CDYL2: variants seen among roughly 807,000 people sequenced by gnomAD.
The protein encoded by CDYL2 is chromodomain Y-like protein 2.
CDYL2 carries 23 observed loss-of-function variants against 49.4 expected under a neutral mutation model. The observed-to-expected ratio is 0.47, with a 90% confidence interval of 0.34 to 0.66. The LOEUF (loss-of-function observed/expected upper bound fraction) is 0.66. CDYL2 is among the 30% of genes least tolerant of loss of function. The pLI is 0.01. For synonymous variants in CDYL2, 360 were observed against 268.8 expected (o/e 1.34, Z -3.32); for missense variants, 678 against 656.4 (o/e 1.03, Z -0.36).
At chr16:80,768,166 C>G (rs1194262020) in intron 1 of CDYL2, among the ~76,000 whole-genome samples, 3 of 152,192 alleles carry the variant, frequency 2.0e-5, no homozygotes, top group African/African-American at 7.2e-5. Flanking sequence ...CTTAGTAAGT[C>G]AAACAGCCAC....
intron 1 of CDYL2, among the ~76,000 whole-genome samples, chr16:80,780,971 T>C (rs1319479074): frequency 2.6e-5 from 4 of 152,214 alleles, no homozygotes; most frequent in Admixed American, 2.6e-4. Flanking sequence ...AGCTTTGTGA[T>C]GTCTTAACTT....
chr16:80,675,193 G>T (rs559519309), intron 2 of CDYL2, among the ~76,000 whole-genome samples: 2 of 152,306 alleles, frequency 1.3e-5, no homozygotes, highest in East Asian at 3.9e-4. Flanking sequence ...CTGAATCCCT[G>T]AAGTACCTTT....
At chr16:80,678,114 G>C (rs1413631758) in intron 2 of CDYL2, among the ~76,000 whole-genome samples, 4 of 152,164 alleles carry the variant, frequency 2.6e-5, no homozygotes, top group South Asian at 2.1e-4. Flanking sequence ...ATCAATTCAA[G>C]ATGGATTAAA....
intron 2 of CDYL2, among the ~76,000 whole-genome samples, chr16:80,658,682 A>G (rs1186838688): frequency 1.3e-5 from 2 of 152,208 alleles, no homozygotes; most frequent in Admixed American, 1.3e-4. Context: ...AATTATACAT[A>G]TTTCCTAGCT....
intron 2 of CDYL2, among the ~76,000 whole-genome samples, chr16:80,675,834 C>A (rs931038640): frequency 6.6e-6 from 1 of 152,164 alleles, no homozygotes; most frequent in South Asian, 2.1e-4. Context: ...ATCGCTTCCA[C>A]TCCCCCACTA....
intron 1 of CDYL2, among the ~76,000 whole-genome samples, chr16:80,764,146 T>C (rs1171783204): frequency 6.6e-6 from 1 of 152,166 alleles, no homozygotes; most frequent in East Asian, 1.9e-4. Flanking sequence ...AAAAAGCAGA[T>C]AATAAAGTGG....
At chr16:80,749,893 A>C (rs955817477) in intron 1 of CDYL2, among the ~76,000 whole-genome samples, 1 of 152,178 alleles carries the variant, frequency 6.6e-6, no homozygotes, top group East Asian at 1.9e-4. Flanking sequence ...ACACCATGGA[A>C]TACTATGCAA....
chr16:80,671,564 C>T (rs1267254153), intron 2 of CDYL2, among the ~76,000 whole-genome samples: 1 of 152,204 alleles, frequency 6.6e-6, no homozygotes, highest in Non-Finnish European at 1.5e-5. Context: ...CCATACCATA[C>T]CTCTTCCCTG....
At chr16:80,743,302 C>A (rs1212264039) in intron 1 of CDYL2, among the ~76,000 whole-genome samples, 2 of 152,134 alleles carry the variant, frequency 1.3e-5, no homozygotes, top group Non-Finnish European at 2.9e-5. Flanking sequence ...GCCCTCAAAC[C>A]AGAAAGTGTT....
intron 1 of CDYL2, among the ~76,000 whole-genome samples, chr16:80,687,022 C>G (rs1910222331): frequency 6.6e-6 from 1 of 152,218 alleles, no homozygotes; most frequent in Non-Finnish European, 1.5e-5. Flanking sequence ...AATGGAGTTA[C>G]TGAGTATTCC....
chr16:80,635,100 G>T (rs930521661), intron 2 of CDYL2, among the ~76,000 whole-genome samples: 2 of 152,178 alleles, frequency 1.3e-5, no homozygotes, highest in African/African-American at 4.8e-5. Context: ...GCACATCAAT[G>T]TATAAAGGGA....
chr16:80,652,613 G>A (rs1195598822), intron 2 of CDYL2, among the ~76,000 whole-genome samples: 1 of 152,148 alleles, frequency 6.6e-6, no homozygotes, highest in Non-Finnish European at 1.5e-5. Flanking sequence ...TAGAGGGGGA[G>A]GCGAAGTAAC....
At chr16:80,660,258 T>C (rs1249814443) in intron 2 of CDYL2, among the ~76,000 whole-genome samples, 1 of 152,020 alleles carries the variant, frequency 6.6e-6, no homozygotes, top group Admixed American at 6.6e-5. Flanking sequence ...TTTTAGTAAA[T>C]GTAATTACTG....
intron 1 of CDYL2, among the ~76,000 whole-genome samples, chr16:80,782,252 A>G (rs556363998): frequency 6.2e-4 from 95 of 152,090 alleles, no homozygotes; most frequent in African/African-American, 2.1e-3. Context: ...TGTATAACCT[A>G]CATGAAATGG....
chr16:80,719,435 G>A (rs544853871), intron 1 of CDYL2, among the ~76,000 whole-genome samples: 1 of 123,386 alleles, frequency 8.1e-6, no homozygotes, highest in Non-Finnish European at 2.1e-5. Context: ...CACAAGCCAG[G>A]ATCATCATGA....
intron 1 of CDYL2, among the ~76,000 whole-genome samples, chr16:80,748,974 A>C (rs1906035739): frequency 6.6e-6 from 1 of 152,246 alleles, no homozygotes; most frequent in Non-Finnish European, 1.5e-5. Context: ...ACCATCGAGA[A>C]CATTGAGGAT....
rs1272649324 is a variant in CDYL2 at position 80,804,142 on chromosome 16, C to G, written c.24+8G>C. On this transcript the variant is annotated splice_region_variant and intron_variant, in intron 1 of 6. Coordinates refer to ENST00000570137, the MANE Select transcript of CDYL2 (RefSeq NM_152342.4). Reference sequence around the variant, plus strand: ...CTGGGGCCGGCCCGCGCCCCCGCGTCCCCGTACCTCGTAAAGGTCCCCAGA... The same window carrying G: ...CTGGGGCCGGCCCGCGCCCCCGCGTGCCCGTACCTCGTAAAGGTCCCCAGA... 4.9e-6 allele frequency: 6 copies of G among 1,234,370 alleles called. No homozygotes were observed. The highest frequency in any genetic ancestry group is 6.3e-6 in the Non-Finnish European group (6 of 956,236). The allele number at this position is 1,234,370 out of a possible 1,614,324, so 76.5% of individuals were successfully genotyped here.
chr16:80,612,495 G>A lies in CDYL2; in HGVS notation c.1218+131C>T, dbSNP rs1906642691. ...TCCATCTGGCACTGAAGGTGTGAAG[G>A]ACATGAGGCAGCCAAGCCAATCTGC... is the stretch of plus-strand genomic sequence containing the variant. On this transcript the variant is annotated intron_variant, in intron 5 of 6. Coordinates refer to ENST00000570137, the MANE Select transcript of CDYL2 (RefSeq NM_152342.4). This position sits in a 1 kb window ranked among gnomAD's most constrained non-coding sequence, Gnocchi z 5.0. 7 of 834,832 alleles carry A rather than the reference G, an allele frequency of 8.4e-6. No individual in the cohort carries two copies. The highest frequency in any genetic ancestry group is 1.1e-5 in the Non-Finnish European group (6 of 534,428). 51.7% of individuals were successfully genotyped at this position (834,832 alleles called of 1,614,324 possible). A position where few individuals can be genotyped will look rare whatever the true frequency, so the allele number is the denominator to read the frequency against.
At chr16:80,620,703 T>C (rs1907040064) in intron 4 of CDYL2, 60 bp downstream of exon 4, 3 of 1,428,836 alleles carry the variant, frequency 2.1e-6, no homozygotes, top group South Asian at 1.6e-5. Flanking sequence ...GAGCAGCCTG[T>C]ATTTTTACTT....
Sources: gnomAD v4.1 joint callset for allele counts (sites outside exome capture counted in the v4.1 genomes callset) on GRCh38, gnomAD v4.1.1 for gene constraint, Gnocchi (gnomAD v3.1) non-coding constraint, MANE v1.5 for transcripts, NCBI Gene and HGNC (gene_info 2026-07-23, HGNC 2026-07-21) for gene names.